Variants in PCDHA6 observed in about 807,000 individuals in gnomAD.
PCDHA6 encodes the protein protocadherin alpha 6, also known as protocadherin alpha-6.
Under a neutral mutation model 60.3 loss-of-function variants are expected in PCDHA6, and 55 were observed. The ratio of observed to expected loss-of-function variants is 0.91; its 90% CI spans 0.73 to 1.14. The LOEUF (loss-of-function observed/expected upper bound fraction) is 1.14, where lower values mean the gene tolerates loss of function less well. PCDHA6 is among the 50% of genes most tolerant of loss of function. PCDHA6 has a pLI of 0.00. For synonymous variants in PCDHA6, 652 were observed against 557.9 expected, an observed-to-expected ratio of 1.17 and a Z score of -2.38; for missense variants, 1,327 against 1,256.5, an observed-to-expected ratio of 1.06 and a Z score of -0.85.
chr5:140,852,750 G>A (rs1477121492), intron 1 of PCDHA6: 2 of 984,026 alleles, frequency 2.0e-6, no homozygotes, highest in African/African-American at 3.5e-5. Flanking sequence ...TTTAAACTTG[G>A]ACCCAGGTAT....
At chr5:140,989,947 T>G (rs2097368215) in intron 3 of PCDHA6, among the ~76,000 whole-genome samples, 1 of 152,062 alleles carries the variant, frequency 6.6e-6, no homozygotes, top group Non-Finnish European at 1.5e-5. Context: ...CACGTTTTTC[T>G]CGGTGAGACC....
chr5:140,875,675 C>G, intron 1 of PCDHA6: 8 of 1,613,858 alleles, frequency 5.0e-6, no homozygotes, highest in Non-Finnish European at 6.8e-6. Context: ...CGGGTGGCGT[C>G]CAAAAGACAC....
chr5:140,979,292 C>T (rs1449910823), intron 2 of PCDHA6, among the ~76,000 whole-genome samples: 1 of 151,814 alleles, frequency 6.6e-6, no homozygotes, highest in African/African-American at 2.4e-5. Flanking sequence ...GTAATTTCAA[C>T]CTCCTTCATC....
At chr5:140,835,709 C>T (rs2150242768) in intron 1 of PCDHA6, 29 of 1,613,350 alleles carry the variant, frequency 1.8e-5, no homozygotes, top group Middle Eastern at 3.3e-4. Context: ...CTAGCGTGTC[C>T]GTGGAGGTGG....
At chr5:140,961,113 C>T (rs2095591220) in intron 1 of PCDHA6, among the ~76,000 whole-genome samples, 1 of 152,190 alleles carries the variant, frequency 6.6e-6, no homozygotes, top group Non-Finnish European at 1.5e-5. Context: ...AACCCCCTTG[C>T]ATCTTAATGT....
intron 1 of PCDHA6, chr5:140,858,707 A>T: frequency 3.7e-6 from 2 of 547,914 alleles, no homozygotes; most frequent in South Asian, 2.5e-5. Flanking sequence ...CAAATATGTG[A>T]TATAGGTTGC....
intron 3 of PCDHA6, among the ~76,000 whole-genome samples, chr5:140,996,834 A>G (rs527764387): frequency 1.7e-4 from 26 of 152,374 alleles, no homozygotes; most frequent in Middle Eastern, 3.4e-3. Flanking sequence ...CCAATAATTT[A>G]GCGTGCATCT....
intron 1 of PCDHA6, chr5:140,857,484 G>T (rs1044921765): frequency 6.3e-7 from 1 of 1,598,534 alleles, no homozygotes; most frequent in Admixed American, 1.7e-5. Context: ...GTGTCTGCGT[G>T]GGACGCGGAC....
In PCDHA6 at chr5:140,883,501, C is replaced by A. The variant is rs570168326; in HGVS notation, c.2394+53016C>A. On this transcript the variant is annotated intron_variant, in intron 1 of 3. Transcript: ENST00000529310. ...ACTACTACTCATTAGTGCTGGACAGCGCCCTGGACCGCGAGAGCGTATCAG... is the reference window on the plus strand; with the variant it reads ...ACTACTACTCATTAGTGCTGGACAGAGCCCTGGACCGCGAGAGCGTATCAG... 3.7e-6 allele frequency: 6 copies of A among 1,614,194 alleles called. No homozygotes were observed. In the Admixed American group the frequency reaches 8.3e-5, roughly 22 times the overall value.
At chr5:140,978,520 C>T (rs2096807249) in intron 1 of PCDHA6, among the ~76,000 whole-genome samples, 1 of 152,214 alleles carries the variant, frequency 6.6e-6, no homozygotes, top group Non-Finnish European at 1.5e-5. Flanking sequence ...GCAGTCCAGC[C>T]AGGCCAGCAG....
At chr5:140,850,363 G>T (rs1287210610) in intron 1 of PCDHA6, 3 of 1,597,818 alleles carry the variant, frequency 1.9e-6, no homozygotes, top group African/African-American at 1.3e-5. Flanking sequence ...ATCCCGTTCC[G>T]CGTGGGGCTG....
chr5:141,008,437 C>T (rs1261106138), intron 3 of PCDHA6, among the ~76,000 whole-genome samples: 1 of 152,182 alleles, frequency 6.6e-6, no homozygotes. Context: ...TTTGCCCAGA[C>T]AGACCATTAC....
At chr5:140,956,719 T>C (rs2095305109) in intron 1 of PCDHA6, among the ~76,000 whole-genome samples, 1 of 152,216 alleles carries the variant, frequency 6.6e-6, no homozygotes, top group Non-Finnish European at 1.5e-5. Context: ...TCAGAAGAAT[T>C]GGTACCAGCT....
intron 1 of PCDHA6, chr5:140,850,480 C>A: frequency 6.3e-7 from 1 of 1,597,900 alleles, no homozygotes; most frequent in African/African-American, 1.3e-5. Context: ...CTGACGGCCA[C>A]GGCCACTGTG....
chr5:141,011,752 C>T lies in PCDHA6; in HGVS notation c.*1815C>T, dbSNP rs1051150394. On this transcript the variant is annotated 3_prime_UTR_variant, in exon 4 of 4. Transcript: ENST00000529310. ...CAAGCACAAATTTTACCAATCTGAC[C>T]TCTTTGAAGTTGCAGAATGCTTTGA... The T allele has an allele frequency of 6.5e-6, 1 of 153,662 alleles. No homozygotes were observed. The highest frequency in any genetic ancestry group is 6.5e-5 in the Admixed American group (1 of 15,272). The allele number at this position is 153,662 out of a possible 1,614,324, so 9.5% of individuals were successfully genotyped here. A position where few individuals can be genotyped will look rare whatever the true frequency, so the allele number is the denominator to read the frequency against.
chr5:140,910,183 A>C (rs2074920018), intron 1 of PCDHA6, among the ~76,000 whole-genome samples: 1 of 152,238 alleles, frequency 6.6e-6, no homozygotes, highest in Non-Finnish European at 1.5e-5. Context: ...TTTATAATTC[A>C]AATTAGTCTT....
intron 3 of PCDHA6, among the ~76,000 whole-genome samples, chr5:141,007,395 C>CAAAAAAAAAAAA (rs35800918): frequency 6.3e-5 from 6 of 94,866 alleles, no homozygotes; most frequent in Admixed American, 1.2e-4. Flanking sequence ...TACTAAAATA[C>CAAAAAAAAAAAA]AAAAAAAAAA....
At chr5:140,925,382 C>A (rs2082461008) in intron 1 of PCDHA6, among the ~76,000 whole-genome samples, 1 of 152,078 alleles carries the variant, frequency 6.6e-6, no homozygotes, top group Non-Finnish European at 1.5e-5. Flanking sequence ...GTCAATGAGT[C>A]TCCTTTTGGC....
At chr5:140,879,672 G>C (rs1256239319) in intron 1 of PCDHA6, among the ~76,000 whole-genome samples, 1 of 152,160 alleles carries the variant, frequency 6.6e-6, no homozygotes, top group East Asian at 1.9e-4. Flanking sequence ...ACACAAACTG[G>C]GTGCTGTAAA....
Sources: gnomAD v4.1 joint callset for allele counts (sites outside exome capture counted in the v4.1 genomes callset) on GRCh38, gnomAD v4.1.1 for gene constraint, MANE v1.5 for transcripts, NCBI Gene and HGNC (gene_info 2026-07-23, HGNC 2026-07-21) for gene names.